MYPN: variants seen among roughly 807,000 people sequenced by gnomAD.
MYPN encodes the protein myopalladin.
MYPN carries 63 observed loss-of-function variants against 129.4 expected under a neutral mutation model. The ratio of observed to expected loss-of-function variants is 0.49; its 90% CI spans 0.40 to 0.60. The LOEUF is 0.60. Ranked by LOEUF, MYPN falls within the 20% of genes least tolerant of loss-of-function variation. MYPN has a pLI of 0.00. For missense variants in MYPN, 1,596 were observed against 1,635.4 expected (o/e 0.98, Z 0.42); for synonymous variants, 629 against 600.9 (o/e 1.05, Z -0.68).
At chr10:68,139,423 C>T (rs2042538998) in intron 2 of MYPN, among the ~76,000 whole-genome samples, 1 of 152,160 alleles carries the variant, frequency 6.6e-6, no homozygotes, top group Admixed American at 6.5e-5. Flanking sequence ...AGTCTTAGAC[C>T]TGCTATTGTC....
intron 2 of MYPN, among the ~76,000 whole-genome samples, chr10:68,134,816 A>C (rs1471512202): frequency 1.3e-5 from 2 of 152,042 alleles, no homozygotes; most frequent in Non-Finnish European, 2.9e-5. Flanking sequence ...TAATTAATTA[A>C]TTAAATTAAA....
chr10:68,181,971 A>C (rs992489195), intron 12 of MYPN, among the ~76,000 whole-genome samples: 5 of 151,916 alleles, frequency 3.3e-5, no homozygotes, highest in African/African-American at 4.8e-5. Context: ...ACAGACATTA[A>C]TGGCTCTCTC....
In MYPN at chr10:68,122,055, G is replaced by T; in HGVS notation, c.617G>T (p.Arg206Leu). The T allele has an allele frequency of 6.2e-7, 1 of 1,614,132 alleles. No individual in the cohort carries two copies. The highest frequency in any genetic ancestry group is 8.5e-7 in the Non-Finnish European group (1 of 1,180,028). ...SSSFSDLSER[R>L]ERSSVPIPIP... ...AGTTTCTCAGATCTGTCAGAAAGAC[G>T]AGAAAGATCTTCTGTTCCCATCCCT... Residue 206 changes from arginine to leucine, a missense_variant, in exon 2 of 20, where the codon CGA (arginine) becomes CTA (leucine). Arg to Leu is a moderately radical substitution (Grantham distance 102). Coordinates refer to ENST00000358913, the MANE Select transcript of MYPN (RefSeq NM_032578.4).
At chr10:68,098,335 A>T (rs927005668) in intron 1 of MYPN, among the ~76,000 whole-genome samples, 2 of 152,166 alleles carry the variant, frequency 1.3e-5, no homozygotes, top group Non-Finnish European at 2.9e-5. Context: ...TGGCACTTGG[A>T]AACGTTCTCT....
intron 10 of MYPN, among the ~76,000 whole-genome samples, chr10:68,171,666 G>A (rs1381452816): frequency 6.6e-6 from 1 of 152,200 alleles, no homozygotes; most frequent in Non-Finnish European, 1.5e-5. Flanking sequence ...CAGTCTCCAG[G>A]TGATTCAAAT....
chr10:68,181,616 T>C (rs1043406054), intron 12 of MYPN, among the ~76,000 whole-genome samples: 1 of 152,094 alleles, frequency 6.6e-6, no homozygotes, highest in Admixed American at 6.6e-5. Flanking sequence ...TTCCTTCCTT[T>C]CTTGATCTTG....
rs116091379 is a variant in MYPN, at chr10:68,193,017, C to T, written c.2926-1346C>T. On this transcript the variant is annotated intron_variant, in intron 13 of 19. Coordinates refer to ENST00000358913, the MANE Select transcript of MYPN (RefSeq NM_032578.4). The stretch of plus-strand genomic sequence containing the variant: ...TTTTGCATTTTTTTAGTCTCAATTT[C>T]ATTGATTTCTGCTCTGTATTTATTA... Among the ~76,000 whole-genome samples, 397 of 152,088 alleles carry T rather than the reference C, an allele frequency of 2.6e-3. 2 individuals are homozygous for T. The highest frequency in any genetic ancestry group is 9.1e-3 in the African/African-American group (377 of 41,518).
chr10:68,118,885 G>C (rs1447004879), intron 1 of MYPN, among the ~76,000 whole-genome samples: 16 of 105,656 alleles, frequency 1.5e-4, no homozygotes, highest in Admixed American at 1.4e-3. Flanking sequence ...GATGAAGGAA[G>C]GAAGGAAGGA....
intron 12 of MYPN, among the ~76,000 whole-genome samples, chr10:68,181,586 G>A (rs1307701107): frequency 1.3e-5 from 2 of 152,038 alleles, no homozygotes; most frequent in Non-Finnish European, 2.9e-5. Flanking sequence ...CACCATGCCC[G>A]GCCTAACTTC....
intron 12 of MYPN, among the ~76,000 whole-genome samples, chr10:68,175,800 G>A (rs1342230714): frequency 1.3e-5 from 2 of 152,150 alleles, no homozygotes; most frequent in African/African-American, 2.4e-5. Flanking sequence ...TGTCACCCAG[G>A]CTGGGGTGCA....
chr10:68,140,955 C>T (rs1407467750), intron 2 of MYPN, among the ~76,000 whole-genome samples: 2 of 152,102 alleles, frequency 1.3e-5, no homozygotes, highest in African/African-American at 2.4e-5. Context: ...GCCTGTGGCC[C>T]CAGCTACTTG....
At chr10:68,152,278 G>A (rs2042784427) in intron 6 of MYPN, among the ~76,000 whole-genome samples, 1 of 152,106 alleles carries the variant, frequency 6.6e-6, no homozygotes, top group African/African-American at 2.4e-5. Context: ...TGTTTTATCA[G>A]TAATTCCAGG....
chr10:68,137,781 G>C (rs1297211163), intron 2 of MYPN, among the ~76,000 whole-genome samples: 1 of 151,746 alleles, frequency 6.6e-6, no homozygotes, highest in African/African-American at 2.4e-5. Context: ...TGAAATGTCA[G>C]GTTTACTTCC....
chr10:68,109,347 T>C (rs57250712), upstream of MYPN: 15,540 of 315,662 alleles, frequency 0.049, 1,398 homozygotes, highest in African/African-American at 0.24. Context: ...GGAAATTCTA[T>C]AGGTAAAAGA....
chr10:68,204,315 G>A (rs905370846), intron 18 of MYPN, among the ~76,000 whole-genome samples: 5 of 152,094 alleles, frequency 3.3e-5, no homozygotes, highest in African/African-American at 4.8e-5. Flanking sequence ...GAATTTCCAC[G>A]GCTATTGCCT....
intron 1 of MYPN, among the ~76,000 whole-genome samples, chr10:68,088,358 T>C (rs2133930654): frequency 6.6e-6 from 1 of 152,234 alleles, no homozygotes. Flanking sequence ...TCAGAGATAA[T>C]ACAAATAGGA....
chr10:68,133,589 TCC>T (rs1403282247), intron 2 of MYPN, among the ~76,000 whole-genome samples: 1 of 151,970 alleles, frequency 6.6e-6, no homozygotes, highest in African/African-American at 2.4e-5. Context: ...CCAAATTGTA[TCC>T]CAGAGAGGAC....
At position 68,137,753 on chromosome 10, in the gene MYPN, G is replaced by T. The variant is rs556587162; in HGVS notation, c.903-5187G>T. On this transcript the variant is annotated intron_variant, in intron 2 of 19. Transcript: ENST00000358913. ...AAATTTTTTCATTCCAACAAATACT[G>T]TCAGTTTTTTTTTTACTTGAAATGT... Among the ~76,000 whole-genome samples, 3 of 151,890 alleles carry T rather than the reference G, an allele frequency of 2.0e-5. No individual in the cohort carries two copies. The East Asian group carries it at 5.8e-4, about 29-fold the overall frequency.
At chr10:68,137,308 T>A (rs2042502678) in intron 2 of MYPN, among the ~76,000 whole-genome samples, 2 of 152,212 alleles carry the variant, frequency 1.3e-5, no homozygotes, top group South Asian at 4.1e-4. Context: ...TTGAAGTAAA[T>A]TTTTAAAAAT....
Sources: allele counts gnomAD v4.1 joint callset (sites outside exome capture counted in the v4.1 genomes callset), GRCh38; gene constraint gnomAD v4.1.1; transcripts MANE v1.5; gene names NCBI Gene and HGNC (gene_info 2026-07-23, HGNC 2026-07-21).